The following CEP295 variants were observed in gnomAD, a reference collection of about 807,000 sequenced individuals.
The protein encoded by CEP295 is centrosomal protein 295, also known as centrosomal protein of 295 kDa.
Under a neutral mutation model 291.6 loss-of-function variants are expected in CEP295, and 190 were observed. That is an observed-to-expected ratio of 0.65 (90% CI 0.58 to 0.73). The LOEUF is 0.73. Ranked by LOEUF, CEP295 falls within the 30% of genes least tolerant of loss-of-function variation. The pLI is 0.00. For missense variants in CEP295, 2,863 were observed against 2,949.4 expected (o/e 0.97, Z 0.68); for synonymous variants, 993 against 1,038.8 (o/e 0.96, Z 0.85).
intron 13 of CEP295, 103 bp downstream of exon 13, chr11:93,695,737 G>A (rs1250010026): frequency 3.7e-5 from 49 of 1,340,060 alleles, no homozygotes; most frequent in Admixed American, 1.1e-4. Flanking sequence ...ATGGCTGGGC[G>A]CGGTGGCTCA....
In CEP295 at chr11:93,727,069, C is replaced by A. The variant is rs1468138382; in HGVS notation, c.6593C>A (p.Ala2198Glu). 1.3e-6 allele frequency: 2 copies of A among 1,551,292 alleles called. No individual in the cohort carries two copies. The highest frequency in any genetic ancestry group is 3.9e-5 in the Admixed American group (2 of 50,952). Residue 2198 changes from alanine to glutamate, a missense_variant, in exon 24 of 30, where the codon GCA becomes GAA. Physicochemically the swap from Ala to Glu is moderately radical, Grantham distance 107. Transcript: ENST00000325212. ...ADLPSIFSIEARDSSQGMKNQ... is the reference protein window; with the variant it reads ...ADLPSIFSIEERDSSQGMKNQ... ...CTACCAAGTATTTTTAGCATTGAAGCAAGAGATTCTTCCCAAGGCATGAAA... is the reference window on the plus strand; with the variant it reads ...CTACCAAGTATTTTTAGCATTGAAGAAAGAGATTCTTCCCAAGGCATGAAA...
At chr11:93,679,746 A>C (rs1028214577) in intron 7 of CEP295, among the ~76,000 whole-genome samples, 194 bp downstream of exon 7, 1 of 152,172 alleles carries the variant, frequency 6.6e-6, no homozygotes, top group Admixed American at 6.5e-5. Context: ...CTATTCTCCC[A>C]GTGTATTGCT....
chr11:93,719,538 G>GACT (rs1264423336), intron 18 of CEP295: 1 of 152,010 alleles, frequency 6.6e-6, no homozygotes, highest in African/African-American at 2.4e-5. Flanking sequence ...GAGTTGCTGG[G>GACT]ACTAGAGGGG....
Position 93,729,696 on chromosome 11 carries a change from C to A in CEP295, c.7482C>A (p.Ser2494=). Reference sequence around the variant, plus strand: ...GGAAAAAATCATTTATGGAGAGATCCCACCAGAGGCAGAAAGAAATAAGGA... The same window carrying A: ...GGAAAAAATCATTTATGGAGAGATCACACCAGAGGCAGAAAGAAATAAGGA... ...IKRKKSFMER[S]HQRQKEIRNK... Residue 2494 remains serine (S), a synonymous_variant, in exon 27 of 30, where the codon TCC becomes TCA. Transcript: ENST00000325212. The A allele has an allele frequency of 6.5e-7, 1 of 1,549,816 alleles. No individual in the cohort carries two copies. Among genetic ancestry groups the A allele is most frequent in the Non-Finnish European group, 8.7e-7 (1 of 1,145,450 alleles).
At chr11:93,666,860 A>G in intron 2 of CEP295, 45 bp downstream of exon 2, 2 of 1,048,742 alleles carry the variant, frequency 1.9e-6, no homozygotes, top group Non-Finnish European at 2.8e-6. Flanking sequence ...TTCTTCCTCA[A>G]ATTACTTGTA....
chr11:93,729,340 G>A (rs1223054283), intron 25 of CEP295, 94 bp from the exon 26 acceptor site: 9 of 804,588 alleles, frequency 1.1e-5, no homozygotes, highest in Non-Finnish European at 1.9e-5. Context: ...CTGCAGTGAG[G>A]TGTGATCATG....
Position 93,699,773 on chromosome 11 carries a change from C to A in CEP295, c.4861C>A (p.Gln1621Lys), listed in dbSNP as rs1421381805. Residue 1621 changes from glutamine to lysine, a missense_variant, in exon 15 of 30, where the codon CAG (glutamine) becomes AAG (lysine). Coordinates refer to ENST00000325212, the MANE Select transcript of CEP295 (RefSeq NM_033395.2). ...REVMYSYEKP[Q>K]EELSLNKQRK... The stretch of plus-strand genomic sequence containing the variant: ...AGTGATGTATTCTTATGAGAAACCC[C>A]AGGAAGAACTGTCTTTAAACAAACA... 4 of 1,551,948 alleles carry A rather than the reference C, an allele frequency of 2.6e-6. No homozygotes were observed. Among genetic ancestry groups the A allele is most frequent in the South Asian group, 2.4e-5 (2 of 84,062 alleles).
In CEP295 at chr11:93,697,152, A is replaced by G; in HGVS notation, c.2240A>G (p.Asp747Gly). Residue 747 changes from aspartate (D) to glycine (G), a missense_variant, in exon 15 of 30, where the codon GAT (aspartate) becomes GGT (glycine). Transcript: ENST00000325212. ...CATGACAGGCAGCTAATATCACAGG[A>G]TGCTAGAAAAATATCTGAAACATTT... ...LSHDRQLISQ[D>G]ARKISETFGA... The G allele has an allele frequency of 6.4e-7, 1 of 1,551,932 alleles. No homozygotes were observed.
intron 10 of CEP295, among the ~76,000 whole-genome samples, chr11:93,691,266 C>T (rs1039364595): frequency 6.6e-6 from 1 of 152,180 alleles, no homozygotes; most frequent in African/African-American, 2.4e-5. Flanking sequence ...CAAATATGAT[C>T]AGAACAAATT....
chr11:93,673,314 G>C (rs979837549), intron 5 of CEP295, among the ~76,000 whole-genome samples: 1 of 152,100 alleles, frequency 6.6e-6, no homozygotes, highest in Non-Finnish European at 1.5e-5. Context: ...GTATATGTAT[G>C]CTAGTTAATG....
In CEP295 at chr11:93,727,852, CTTG is replaced by C. The variant is rs1591173678; in HGVS notation, c.7161+218_7161+220del. Reference sequence around the variant, plus strand: ...CTGAAACAAAATACAAGCAAAACTGCTTGTTAATATTGCTATCCAGCTTGTGAT... The same window carrying C: ...CTGAAACAAAATACAAGCAAAACTGCTTAATATTGCTATCCAGCTTGTGAT... On this transcript the variant is annotated intron_variant, in intron 24 of 29. Transcript: ENST00000325212. 4.3e-6 allele frequency: 2 copies of C among 460,238 alleles called. 1 individual carries two copies. The highest frequency in any genetic ancestry group is 7.7e-5 in the South Asian group (2 of 25,924). The allele number at this position is 460,238 out of a possible 1,614,324, so 28.5% of individuals were successfully genotyped here.
chr11:93,728,670 G>A lies in CEP295; in HGVS notation c.7162-11G>A. 1 of 1,517,904 alleles carries A rather than the reference G, an allele frequency of 6.6e-7. No individual in the cohort carries two copies. The highest frequency in any genetic ancestry group is 2.5e-5 in the East Asian group (1 of 40,122). The allele number at this position is 1,517,904 out of a possible 1,614,324, so 94.0% of individuals were successfully genotyped here. A position where few individuals can be genotyped will look rare whatever the true frequency, so the allele number is the denominator to read the frequency against. On this transcript the variant is annotated splice_polypyrimidine_tract_variant and intron_variant, in intron 24 of 29. Transcript: ENST00000325212. ...TTTTGACATGGTTTTCCTTTTAATT[G>A]TGGTTCACAGGAAACAGAAACTGGC...
At position 93,727,407 on chromosome 11, in the gene CEP295, G is replaced by A; in HGVS notation, c.6931G>A (p.Asp2311Asn). 6.4e-7 allele frequency: 1 copy of A among 1,551,508 alleles called. No homozygotes were observed. The highest frequency in any genetic ancestry group is 1.4e-5 in the African/African-American group (1 of 73,158). ...DNKNETCRVL[D>N]INPQVEETDS... ...TAAAAATGAAACCTGTAGGGTTTTA[G>A]ACATAAATCCACAGGTAGAGGAAAC... is the stretch of plus-strand genomic sequence containing the variant. The change falls in exon 24 of 30, where the codon GAC (aspartate) becomes AAC (asparagine). Residue 2311 changes from aspartate (D) to asparagine (N), a missense_variant. Coordinates refer to ENST00000325212, the MANE Select transcript of CEP295 (RefSeq NM_033395.2).
At chr11:93,691,212 A>C (rs1440541599) in intron 10 of CEP295, among the ~76,000 whole-genome samples, 1 of 152,250 alleles carries the variant, frequency 6.6e-6, no homozygotes, top group Non-Finnish European at 1.5e-5. Context: ...AAATGAATTA[A>C]TGAGTGAATG....
At position 93,698,197 on chromosome 11, in the gene CEP295, G is replaced by A. The variant is rs878910312; in HGVS notation, c.3285G>A (p.Gly1095=). The A allele has an allele frequency of 6.4e-7, 1 of 1,551,924 alleles. No individual in the cohort carries two copies. Among genetic ancestry groups the A allele is most frequent in the Non-Finnish European group, 8.7e-7 (1 of 1,147,024 alleles). Residue 1095 remains glycine (G), a synonymous_variant, in exon 15 of 30, where the codon GGG becomes GGA. Transcript: ENST00000325212. ...GAGATTTGGGGGACAGTAAGTCTGGGCTGGTGAGCTCTTCATCCTCACCAG... is the reference window on the plus strand; with the variant it reads ...GAGATTTGGGGGACAGTAAGTCTGGACTGGTGAGCTCTTCATCCTCACCAG... ...RQRDLGDSKS[G]LVSSSSSPVV...
chr11:93,680,683 A>G (rs907389497), intron 7 of CEP295, among the ~76,000 whole-genome samples: 7 of 152,250 alleles, frequency 4.6e-5, no homozygotes, highest in Non-Finnish European at 2.9e-5. Context: ...ATCAATATGT[A>G]AAATATTGTA....
intron 25 of CEP295, 44 bp from the exon 26 acceptor site, chr11:93,729,390 A>G: frequency 7.5e-7 from 1 of 1,329,944 alleles, no homozygotes; most frequent in South Asian, 1.3e-5. Flanking sequence ...AGACCCGCTT[A>G]AAGCGTTTAA....
chr11:93,661,916 G>A (rs1950004245), intron 1 of CEP295, 142 bp downstream of exon 1: 1 of 152,754 alleles, frequency 6.5e-6, no homozygotes, highest in Non-Finnish European at 1.5e-5. Flanking sequence ...GCGTTTCTCA[G>A]GCTCCGCAGG....
In CEP295 at chr11:93,730,349, A is replaced by G. The variant is rs1938286511; in HGVS notation, c.*80A>G. Reference sequence around the variant, plus strand: ...AATTATTTAAAGTCAATAAATTGTTATTCGAGGAATTCCATGTTGTGATTT... The same window carrying G: ...AATTATTTAAAGTCAATAAATTGTTGTTCGAGGAATTCCATGTTGTGATTT... On this transcript the variant is annotated 3_prime_UTR_variant, in exon 30 of 30. Transcript: ENST00000325212. 4 of 1,045,874 alleles carry G rather than the reference A, an allele frequency of 3.8e-6. No individual in the cohort carries two copies. The highest frequency in any genetic ancestry group is 1.6e-5 in the African/African-American group (1 of 63,254). 64.8% of individuals were successfully genotyped at this position (1,045,874 alleles called of 1,614,324 possible).
Sources: allele counts gnomAD v4.1 joint callset (sites outside exome capture counted in the v4.1 genomes callset), GRCh38; gene constraint gnomAD v4.1.1; transcripts MANE v1.5; gene names NCBI Gene and HGNC (gene_info 2026-07-23, HGNC 2026-07-21).